Variants in IQSEC1 observed in about 807,000 individuals in gnomAD.
The protein encoded by IQSEC1 is IQ motif and SEC7 domain-containing protein 1.
A neutral mutation model predicts 91.0 loss-of-function variants in IQSEC1; 31 were observed. That is an observed-to-expected ratio of 0.34 (90% CI 0.26 to 0.46). The LOEUF (loss-of-function observed/expected upper bound fraction) is 0.46. Ranked by LOEUF, IQSEC1 falls within the 20% of genes least tolerant of loss-of-function variation. The pLI is 1.00. For missense variants in IQSEC1, 1,388 were observed against 1,575.6 expected (o/e 0.88, Z 2.02); for synonymous variants, 699 against 662.6 (o/e 1.05, Z -0.84).
intron 1 of IQSEC1, among the ~76,000 whole-genome samples, chr3:13,007,610 T>G (rs1702694141): frequency 6.6e-6 from 1 of 152,218 alleles, no homozygotes; most frequent in Admixed American, 6.5e-5. Context: ...ATTGTGAGAA[T>G]GGAATGAGAT....
chr3:13,213,830 C>G (rs1426741658), intron 1 of IQSEC1, among the ~76,000 whole-genome samples: 1 of 152,140 alleles, frequency 6.6e-6, no homozygotes, highest in Non-Finnish European at 1.5e-5. Context: ...AGTGCCTAGG[C>G]CATCTCAGGA....
chr3:12,919,821 T>C (rs1170482481), intron 6 of IQSEC1, among the ~76,000 whole-genome samples: 1 of 152,086 alleles, frequency 6.6e-6, no homozygotes, highest in African/African-American at 2.4e-5. Context: ...TGGGAGAAGG[T>C]CACGGCCTTT....
intron 1 of IQSEC1, among the ~76,000 whole-genome samples, chr3:13,220,340 C>T (rs529808422): frequency 1.3e-5 from 2 of 152,212 alleles, no homozygotes; most frequent in Non-Finnish European, 2.9e-5. Context: ...CAATTTGAGA[C>T]TTGGGGCCCA....
At chr3:12,997,731 C>T (rs1221865294) in intron 1 of IQSEC1, among the ~76,000 whole-genome samples, 1 of 151,968 alleles carries the variant, frequency 6.6e-6, no homozygotes, top group Non-Finnish European at 1.5e-5. Flanking sequence ...ACAGTTATTC[C>T]AAATCAATAA....
chr3:13,071,642 C>G (rs1025083625), intron 1 of IQSEC1, among the ~76,000 whole-genome samples: 1 of 152,190 alleles, frequency 6.6e-6, no homozygotes, highest in African/African-American at 2.4e-5. Context: ...CTGCTCGCAT[C>G]GACAAACCAA....
intron 1 of IQSEC1, among the ~76,000 whole-genome samples, chr3:13,247,876 C>A (rs1267682092): frequency 6.6e-6 from 1 of 152,162 alleles, no homozygotes; most frequent in African/African-American, 2.4e-5. Context: ...ACCCTGCCTC[C>A]ACGGCCTAAG....
chr3:13,058,425 T>C (rs1462384029), intron 1 of IQSEC1, among the ~76,000 whole-genome samples: 1 of 152,214 alleles, frequency 6.6e-6, no homozygotes, highest in East Asian at 1.9e-4. Context: ...GTGCCTGGTA[T>C]ATGACCTCTG....
At position 12,920,508 on chromosome 3, in the gene IQSEC1, G is replaced by A. The variant is rs778205071; in HGVS notation, c.1942C>T (p.Leu648=). The change falls in exon 6 of 14, where the codon CTG becomes TTG. Residue 648 remains leucine, a synonymous_variant. Transcript: ENST00000613206. Reference sequence around the variant, plus strand: ...TTGGGGCTGTACATGTCGGTGTTCAGCAGGATGATGGCGAAGGCCAGGATG... The same window carrying A: ...TTGGGGCTGTACATGTCGGTGTTCAACAGGATGATGGCGAAGGCCAGGATG... The part of the protein sequence containing the change: ...IFILAFAIIL[L]NTDMYSPNVK... 16 of 1,614,232 alleles carry A rather than the reference G, an allele frequency of 9.9e-6. No individual in the cohort carries two copies. The South Asian group carries it at 1.8e-4, about 18-fold the overall frequency.
chr3:13,193,910 A>C lies in IQSEC1; in HGVS notation c.273-29777T>G, dbSNP rs908399591. 6.6e-6 allele frequency among the ~76,000 whole-genome samples: 1 copy of C among 152,180 alleles called. No homozygotes were observed. Among genetic ancestry groups the C allele is most frequent in the African/African-American group, 2.4e-5 (1 of 41,452 alleles). ...GCCCTGGGGCTTCGGCCACAGACCA[A>C]GCTTGGTTTCCTCACAGCTCTGGAG... On this transcript the variant is annotated intron_variant, in intron 1 of 15. Transcript: ENST00000648114. The surrounding 1 kb of genome is among the most constrained non-coding windows in gnomAD (Gnocchi z 4.2).
chr3:12,908,713 G>A lies in IQSEC1; in HGVS notation c.2579-188C>T, dbSNP rs945655651. Among the ~76,000 whole-genome samples, 4 of 152,154 alleles carry A rather than the reference G, an allele frequency of 2.6e-5. 1 individual carries two copies. The South Asian group carries it at 8.3e-4, about 32-fold the overall frequency. ...AGAGCAGAAAGGAGATCCCAGGAGG[G>A]AGGCTAGAGAGACCAGAGGGCCTTG... On this transcript the variant is annotated intron_variant, in intron 11 of 13. Coordinates refer to ENST00000613206, the MANE Select transcript of IQSEC1 (RefSeq NM_001134382.3). The surrounding 1 kb of genome is among the most constrained non-coding windows in gnomAD (Gnocchi z 4.9).
chr3:13,080,159 G>A (rs1705626437), intron 2 of IQSEC1, among the ~76,000 whole-genome samples: 1 of 152,216 alleles, frequency 6.6e-6, no homozygotes, highest in African/African-American at 2.4e-5. Context: ...GTAGAGGAGG[G>A]ACATGGTGAG....
chr3:13,031,781 G>T (rs569273014), intron 1 of IQSEC1, among the ~76,000 whole-genome samples: 5 of 152,238 alleles, frequency 3.3e-5, no homozygotes, highest in Admixed American at 3.3e-4. Context: ...GAAAGGTGAG[G>T]AGAGGGCGGT....
At chr3:13,078,478 C>T (rs1705597745) in intron 2 of IQSEC1, among the ~76,000 whole-genome samples, 2 of 152,180 alleles carry the variant, frequency 1.3e-5, no homozygotes, top group Non-Finnish European at 2.9e-5. Context: ...TCAAACCCTG[C>T]ACCTCTCAGC....
intron 1 of IQSEC1, among the ~76,000 whole-genome samples, chr3:13,187,693 A>C (rs957136757): frequency 5.9e-5 from 9 of 152,208 alleles, no homozygotes; most frequent in Non-Finnish European, 1.3e-4. Context: ...ATCTTAGTCC[A>C]TTCATGCTGC....
At chr3:13,078,542 G>A (rs1484170761) in intron 2 of IQSEC1, among the ~76,000 whole-genome samples, 10 of 152,050 alleles carry the variant, frequency 6.6e-5, no homozygotes, top group Non-Finnish European at 1.3e-4. Flanking sequence ...ACCAGCTATG[G>A]GATTTTGGAA....
intron 1 of IQSEC1, among the ~76,000 whole-genome samples, chr3:13,204,171 G>C (rs1294894507): frequency 6.6e-6 from 1 of 152,266 alleles, no homozygotes; most frequent in Non-Finnish European, 1.5e-5. Flanking sequence ...GAGCTGCGGA[G>C]AGCTGCGGAG....
intron 1 of IQSEC1, among the ~76,000 whole-genome samples, chr3:12,942,403 C>A (rs775596848): frequency 6.6e-6 from 1 of 151,976 alleles, no homozygotes; most frequent in South Asian, 2.1e-4. Flanking sequence ...GAAATTGAGA[C>A]CATCCTGGCT....
At chr3:13,052,480 T>TAA (rs1266315467) in intron 1 of IQSEC1, among the ~76,000 whole-genome samples, 6 of 152,224 alleles carry the variant, frequency 3.9e-5, no homozygotes, top group African/African-American at 1.4e-4. Flanking sequence ...GTTTGGGGGC[T>TAA]GTTATGACTA....
intron 1 of IQSEC1, among the ~76,000 whole-genome samples, chr3:13,017,438 T>C (rs958564626): frequency 1.3e-5 from 2 of 152,170 alleles, no homozygotes; most frequent in African/African-American, 4.8e-5. Context: ...GAGTGGCTCA[T>C]GCCCATGCCG....
Sources: allele counts gnomAD v4.1 joint callset (sites outside exome capture counted in the v4.1 genomes callset), GRCh38; gene constraint gnomAD v4.1.1; non-coding constraint Gnocchi (gnomAD v3.1); transcripts MANE v1.5; gene names NCBI Gene and HGNC (gene_info 2026-07-23, HGNC 2026-07-21).